Variants in VPS4A observed in about 807,000 individuals in gnomAD.
The protein encoded by VPS4A is vacuolar protein sorting-associated protein 4A.
Under a neutral mutation model 52.3 loss-of-function variants are expected in VPS4A, and 20 were observed. The ratio of observed to expected loss-of-function variants is 0.38; its 90% confidence interval spans 0.27 to 0.56. VPS4A has a LOEUF of 0.56. Ranked by LOEUF, VPS4A falls within the 20% of genes least tolerant of loss-of-function variation. The probability of loss-of-function intolerance (pLI) is 0.72; values close to 1 mark genes in which losing one functional copy is unlikely to be tolerated. For synonymous variants in VPS4A, 293 were observed against 227.7 expected (o/e 1.29, Z -2.58); for missense variants, 419 against 575.9 (o/e 0.73, Z 2.79).
chr16:69,319,338 ATTCC>A (rs1304024822), intron 5 of VPS4A, 45 bp from the exon 6 acceptor site: 1 of 1,605,442 alleles, frequency 6.2e-7, no homozygotes, highest in African/African-American at 1.3e-5. Flanking sequence ...TGCTTTTCCT[ATTCC>A]TTTCCCCAGT....
chr16:69,312,895 G>A (rs1353663036), intron 1 of VPS4A, among the ~76,000 whole-genome samples: 14 of 152,046 alleles, frequency 9.2e-5, no homozygotes, highest in Admixed American at 4.6e-4. Context: ...TTACAGGTGT[G>A]AGCCACGGGT....
chr16:69,323,944 CA>C (rs373024058), intron 10 of VPS4A, among the ~76,000 whole-genome samples: 224 of 99,530 alleles, frequency 2.3e-3, no homozygotes, highest in Middle Eastern at 0.01. Context: ...ACTCCGTCTC[CA>C]AAAAAAAAAA....
intron 3 of VPS4A, among the ~76,000 whole-genome samples, chr16:69,317,093 G>C (rs868031004): frequency 6.6e-6 from 1 of 152,190 alleles, no homozygotes; most frequent in Non-Finnish European, 1.5e-5. Context: ...CACCAGAGGC[G>C]AGGCCTCCTC....
chr16:69,319,991 C>T (rs3736383), intron 6 of VPS4A, 150 bp from the exon 7 acceptor site: 156,062 of 1,067,750 alleles, frequency 0.15, 12,691 homozygotes, highest in Middle Eastern at 0.22. Context: ...CAGTGTGGCC[C>T]GAGGGCTCCT....
Position 69,311,427 on chromosome 16 carries a change from C to A in VPS4A, c.-85C>A. 1 of 1,218,754 alleles carries A rather than the reference C, an allele frequency of 8.2e-7. No individual in the cohort carries two copies. 75.5% of individuals were successfully genotyped at this position (1,218,754 alleles called of 1,614,324 possible). A position where few individuals can be genotyped will look rare whatever the true frequency, so the allele number is the denominator to read the frequency against. On this transcript the variant is annotated 5_prime_UTR_variant, in exon 1 of 11. Transcript: ENST00000254950. Reference sequence around the variant, plus strand: ...TCAGCGCCCACCGCCGGGCTTCCCGCGCCGGACCCAGTACCTCGGCTCCCC... The same window carrying A: ...TCAGCGCCCACCGCCGGGCTTCCCGAGCCGGACCCAGTACCTCGGCTCCCC...
chr16:69,324,184 A>G (rs1372487031), intron 10 of VPS4A, 24 bp from the exon 11 acceptor site: 2 of 1,608,234 alleles, frequency 1.2e-6, no homozygotes, highest in South Asian at 2.2e-5. Flanking sequence ...GCTCCTGCTC[A>G]GGCACATACT....
In VPS4A at chr16:69,325,538, A is replaced by G. The variant is rs1485335522; in HGVS notation, c.*1229A>G. Reference sequence around the variant, plus strand: ...ATCACAAGGTCAGGAAATCGAGAACATCCTGGCTAACACAGTGAAACCCCG... The same window carrying G: ...ATCACAAGGTCAGGAAATCGAGAACGTCCTGGCTAACACAGTGAAACCCCG... On this transcript the variant is annotated 3_prime_UTR_variant, in exon 11 of 11. Transcript: ENST00000254950. The G allele has an allele frequency of 6.6e-6, 1 of 152,200 alleles. No homozygotes were observed. The highest frequency in any genetic ancestry group is 2.4e-5 in the African/African-American group (1 of 41,438). 9.4% of individuals were successfully genotyped at this position (152,200 alleles called of 1,614,324 possible).
chr16:69,320,856 C>A lies in VPS4A; in HGVS notation c.851+87C>A. The A allele has an allele frequency of 7.2e-7, 1 of 1,396,436 alleles. No individual in the cohort carries two copies. The highest frequency in any genetic ancestry group is 9.9e-7 in the Non-Finnish European group (1 of 1,013,098). The allele number at this position is 1,396,436 out of a possible 1,614,324, so 86.5% of individuals were successfully genotyped here. A position where few individuals can be genotyped will look rare whatever the true frequency, so the allele number is the denominator to read the frequency against. On this transcript the variant is annotated intron_variant, in intron 8 of 10. Coordinates refer to ENST00000254950, the MANE Select transcript of VPS4A (RefSeq NM_013245.3). This position sits in a 1 kb window ranked among gnomAD's most constrained non-coding sequence, Gnocchi z 4.2. ...CTGCTGCTGGCAGCCCGGGTGCAGC[C>A]TGGCCCCTTTTCCCTGGAGTCTTCC...
At chr16:69,322,381 G>C in intron 9 of VPS4A, 179 bp from the exon 10 acceptor site, 2 of 554,312 alleles carry the variant, frequency 3.6e-6, no homozygotes, top group Non-Finnish European at 6.2e-6. Flanking sequence ...CAGATTGCCA[G>C]AGTCCCATGC....
rs1339688173 is a variant in VPS4A, at chr16:69,324,394, C to CT, written c.*86dup. 1 of 1,384,482 alleles carries CT rather than the reference C, an allele frequency of 7.2e-7. No homozygotes were observed. Among genetic ancestry groups the CT allele is most frequent in the Non-Finnish European group, 1.0e-6 (1 of 992,226 alleles). The allele number at this position is 1,384,482 out of a possible 1,614,324, so 85.8% of individuals were successfully genotyped here. A position where few individuals can be genotyped will look rare whatever the true frequency, so the allele number is the denominator to read the frequency against. ...TCCCCATGTCAACAGCCAGACAGGG[C>CT]TCCAGGGCTTGTCCCAGTCAATACA... On this transcript the variant is annotated 3_prime_UTR_variant, in exon 11 of 11. Transcript: ENST00000254950.
rs377214987 is a variant in VPS4A at position 69,314,423 on chromosome 16, T to G, written c.22-1585T>G. Among the ~76,000 whole-genome samples, 11 of 151,664 alleles carry G rather than the reference T, an allele frequency of 7.3e-5. No homozygotes were observed. In the South Asian group the frequency reaches 8.4e-4, roughly 12 times the overall value. On this transcript the variant is annotated intron_variant, in intron 1 of 10. Coordinates refer to ENST00000254950, the MANE Select transcript of VPS4A (RefSeq NM_013245.3). ...GTGAAAAAGTCCAAGGTACTGGGGG[T>G]GTGTGTTCTGGAGACGAGAAGCCAC...
rs1567424942 is a variant in VPS4A, at chr16:69,322,589, C to T, written c.1101C>T (p.Ser367=). 1.9e-6 allele frequency: 3 copies of T among 1,613,784 alleles called. No homozygotes were observed. The South Asian group carries it at 3.3e-5, about 18-fold the overall frequency. ...GTGGCCCCTCTCGCACCAACCCCAG[C>T]ATGATGATTGATGACCTCCTGACTC... ...KVCGPSRTNP[S]MMIDDLLTPC... The change falls in exon 10 of 11, where the codon AGC becomes AGT. Residue 367 remains serine, a synonymous_variant. Coordinates refer to ENST00000254950, the MANE Select transcript of VPS4A (RefSeq NM_013245.3).
In VPS4A at chr16:69,320,508, G is replaced by T; in HGVS notation, c.770-180G>T. 1 of 803,378 alleles carries T rather than the reference G, an allele frequency of 1.2e-6. No individual in the cohort carries two copies. Among genetic ancestry groups the T allele is most frequent in the Non-Finnish European group, 2.0e-6 (1 of 512,062 alleles). The allele number at this position is 803,378 out of a possible 1,614,324, so 49.8% of individuals were successfully genotyped here. On this transcript the variant is annotated intron_variant, in intron 7 of 10. Transcript: ENST00000254950. The surrounding 1 kb of genome is among the most constrained non-coding windows in gnomAD (Gnocchi z 4.2). ...CCTCCCATGGCAGGCAGTGCCATAG[G>T]TCTCACCTGGCACAGCCAGACCAAG...
At chr16:69,315,004 C>T (rs996893894) in intron 1 of VPS4A, among the ~76,000 whole-genome samples, 1 of 151,986 alleles carries the variant, frequency 6.6e-6, no homozygotes, top group Admixed American at 6.6e-5. Flanking sequence ...GAAGCCAAGG[C>T]GGGTGGATCA....
At chr16:69,319,144 G>A (rs1965477338) in intron 5 of VPS4A, among the ~76,000 whole-genome samples, 1 of 152,196 alleles carries the variant, frequency 6.6e-6, no homozygotes, top group African/African-American at 2.4e-5. Flanking sequence ...GGCAGGATCA[G>A]GAAGCAGTGC....
rs1036947258 is a variant in VPS4A at position 69,320,829 on chromosome 16, G to A, written c.851+60G>A. The A allele has an allele frequency of 5.9e-6, 9 of 1,515,610 alleles. No individual in the cohort carries two copies. Among genetic ancestry groups the A allele is most frequent in the African/African-American group, 4.1e-5 (3 of 72,594 alleles). The allele number at this position is 1,515,610 out of a possible 1,614,324, so 93.9% of individuals were successfully genotyped here. A position where few individuals can be genotyped will look rare whatever the true frequency, so the allele number is the denominator to read the frequency against. ...CTTCCTCCCACCATGGTCACGGTCC[G>A]CCTGCTGCTGGCAGCCCGGGTGCAG... On this transcript the variant is annotated intron_variant, in intron 8 of 10. Coordinates refer to ENST00000254950, the MANE Select transcript of VPS4A (RefSeq NM_013245.3). This position sits in a 1 kb window ranked among gnomAD's most constrained non-coding sequence, Gnocchi z 4.2.
chr16:69,312,682 G>A (rs776747790), intron 1 of VPS4A, among the ~76,000 whole-genome samples: 2 of 151,590 alleles, frequency 1.3e-5, no homozygotes, highest in Non-Finnish European at 2.9e-5. Flanking sequence ...GTGTGATCTT[G>A]GCTCACTGCA....
At chr16:69,316,465 G>T (rs1965438299) in intron 3 of VPS4A, 93 bp downstream of exon 3, 1 of 1,530,444 alleles carries the variant, frequency 6.5e-7, no homozygotes, top group Non-Finnish European at 8.9e-7. Context: ...TTCCCTGTGG[G>T]AATGGTCCTC....
At position 69,320,624 on chromosome 16, in the gene VPS4A, C is replaced by A; in HGVS notation, c.770-64C>A. On this transcript the variant is annotated intron_variant, in intron 7 of 10. Coordinates refer to ENST00000254950, the MANE Select transcript of VPS4A (RefSeq NM_013245.3). This position sits in a 1 kb window ranked among gnomAD's most constrained non-coding sequence, Gnocchi z 4.2. The stretch of plus-strand genomic sequence containing the variant: ...ACACACAAAGCCCCCGGGGTCTGTC[C>A]CCAGGTTTCAACTGACCCGTGCAGG... 1 of 1,430,954 alleles carries A rather than the reference C, an allele frequency of 7.0e-7. No homozygotes were observed. The highest frequency in any genetic ancestry group is 2.5e-5 in the East Asian group (1 of 40,552). 88.6% of individuals were successfully genotyped at this position (1,430,954 alleles called of 1,614,324 possible). A position where few individuals can be genotyped will look rare whatever the true frequency, so the allele number is the denominator to read the frequency against.
Sources: allele counts gnomAD v4.1 joint callset (sites outside exome capture counted in the v4.1 genomes callset), GRCh38; gene constraint gnomAD v4.1.1; non-coding constraint Gnocchi (gnomAD v3.1); transcripts MANE v1.5; gene names NCBI Gene and HGNC (gene_info 2026-07-23, HGNC 2026-07-21).